The following SUGCT variants were observed in gnomAD, a reference collection of about 807,000 sequenced individuals.
The protein encoded by SUGCT is succinyl-CoA:glutarate CoA-transferase.
SUGCT carries 41 observed loss-of-function variants against 55.0 expected under a neutral mutation model. The ratio of observed to expected loss-of-function variants is 0.74; its 90% CI spans 0.58 to 0.97. The LOEUF is 0.97. Ranked by LOEUF, SUGCT falls within the 50% of genes least tolerant of loss-of-function variation. The pLI is 0.00. For synonymous variants in SUGCT, 187 were observed against 200.4 expected, an observed-to-expected ratio of 0.93 and a Z score of 0.56; for missense variants, 568 against 547.8, an observed-to-expected ratio of 1.04 and a Z score of -0.37.
In SUGCT at chr7:40,377,392, G is replaced by T. The variant is rs1165196315; in HGVS notation, c.816+60537G>T. ...TGGGTAGCTGGGATGACAGGCGTGA[G>T]CCACCACACCCAGCTAATTTTTGTA... On this transcript the variant is annotated intron_variant, in intron 9 of 13. Transcript: ENST00000335693. 2.7e-5 allele frequency among the ~76,000 whole-genome samples: 4 copies of T among 150,850 alleles called. No homozygotes were observed. The East Asian group carries it at 7.8e-4, about 30-fold the overall frequency.
At chr7:40,828,491 G>A (rs917210307) in intron 13 of SUGCT, among the ~76,000 whole-genome samples, 1 of 150,552 alleles carries the variant, frequency 6.6e-6, no homozygotes, top group African/African-American at 2.4e-5. Context: ...GGCTTCCAAA[G>A]CACCTTCATG....
In SUGCT at chr7:40,186,319, C is replaced by T. The variant is rs930360840; in HGVS notation, c.227-2176C>T. Among the ~76,000 whole-genome samples, 4 of 149,982 alleles carry T rather than the reference C, an allele frequency of 2.7e-5. No individual in the cohort carries two copies. In the East Asian group the frequency reaches 8.0e-4, roughly 30 times the overall value. ...TGTCCCCTAGGCTGGAGTGCAGTGG[C>T]GCACTCCTGGCTCAGTGCAGCATTG... is the stretch of plus-strand genomic sequence containing the variant. On this transcript the variant is annotated intron_variant, in intron 3 of 13. Coordinates refer to ENST00000335693, the MANE Select transcript of SUGCT (RefSeq NM_001193313.2).
At chr7:40,778,116 T>G (rs577358471) in intron 13 of SUGCT, among the ~76,000 whole-genome samples, 2 of 152,338 alleles carry the variant, frequency 1.3e-5, no homozygotes, top group South Asian at 2.1e-4. Flanking sequence ...CTGATCATAG[T>G]GTCACATGGA....
At chr7:40,413,303 G>A (rs561396038) in intron 9 of SUGCT, among the ~76,000 whole-genome samples, 1 of 151,952 alleles carries the variant, frequency 6.6e-6, no homozygotes, top group Non-Finnish European at 1.5e-5. Flanking sequence ...TTTTCCTCCC[G>A]GCATCTCCTC....
intron 1 of SUGCT, among the ~76,000 whole-genome samples, chr7:40,179,894 A>G (rs1785101365): frequency 6.6e-6 from 1 of 152,216 alleles, no homozygotes; most frequent in African/African-American, 2.4e-5. Flanking sequence ...CCCAGTGCCA[A>G]CGTGGGAGGA....
At chr7:40,700,361 A>G (rs1404128217) in intron 12 of SUGCT, among the ~76,000 whole-genome samples, 1 of 152,110 alleles carries the variant, frequency 6.6e-6, no homozygotes, top group Non-Finnish European at 1.5e-5. Flanking sequence ...GCTTGCATGA[A>G]ATCTTACATT....
At chr7:40,699,355 C>T (rs966254748) in intron 12 of SUGCT, among the ~76,000 whole-genome samples, 3 of 151,976 alleles carry the variant, frequency 2.0e-5, no homozygotes, top group Non-Finnish European at 4.4e-5. Flanking sequence ...TTTGTGTGTG[C>T]AGATGGGACA....
rs1042223115 is a variant in SUGCT, at chr7:40,237,876, A to G, written c.576+150A>G. 4 of 630,546 alleles carry G rather than the reference A, an allele frequency of 6.3e-6. No individual in the cohort carries two copies. In the African/African-American group the frequency reaches 7.4e-5, roughly 12 times the overall value. The allele number at this position is 630,546 out of a possible 1,614,324, so 39.1% of individuals were successfully genotyped here. A position where few individuals can be genotyped will look rare whatever the true frequency, so the allele number is the denominator to read the frequency against. ...GCCATTGAAATTAATAATTTTAGAA[A>G]GAAACCAGGGAAAGTGAATGCTTAT... On this transcript the variant is annotated intron_variant, in intron 7 of 13. Transcript: ENST00000335693.
At chr7:40,422,276 C>G (rs1463168183) in intron 9 of SUGCT, among the ~76,000 whole-genome samples, 1 of 152,018 alleles carries the variant, frequency 6.6e-6, no homozygotes, top group African/African-American at 2.4e-5. Context: ...ATTAAATTTT[C>G]AATAAAGCAA....
intron 9 of SUGCT, among the ~76,000 whole-genome samples, chr7:40,369,381 C>G: frequency 6.6e-6 from 1 of 152,124 alleles, no homozygotes; most frequent in Non-Finnish European, 1.5e-5. Flanking sequence ...AAGAAACTGA[C>G]TCCTAGTTAT....
At chr7:40,612,604 AGCTGT>A (rs1798819380) in intron 12 of SUGCT, among the ~76,000 whole-genome samples, 1 of 152,212 alleles carries the variant, frequency 6.6e-6, no homozygotes, top group Non-Finnish European at 1.5e-5. Context: ...CTTCCTTGAT[AGCTGT>A]GCAGCCTTGG....
At chr7:40,181,806 C>T in intron 2 of SUGCT, 149 bp from the exon 3 acceptor site, 1 of 552,888 alleles carries the variant, frequency 1.8e-6, no homozygotes, top group Non-Finnish European at 3.2e-6. Context: ...TTTAAAGCTC[C>T]TATTACATAT....
intron 13 of SUGCT, among the ~76,000 whole-genome samples, chr7:40,809,607 T>A: frequency 6.6e-6 from 1 of 152,150 alleles, no homozygotes; most frequent in East Asian, 1.9e-4. Context: ...CAACAGCTCA[T>A]GAAGATAGTA....
the SUGCT span, among the ~76,000 whole-genome samples, chr7:41,023,264 T>C: frequency 6.6e-6 from 1 of 152,282 alleles, no homozygotes; most frequent in South Asian, 2.1e-4. Flanking sequence ...TGTTGATATG[T>C]TGGAGCCGTT....
At chr7:40,735,404 A>T (rs1310569117) in intron 12 of SUGCT, among the ~76,000 whole-genome samples, 3 of 152,198 alleles carry the variant, frequency 2.0e-5, no homozygotes, top group Non-Finnish European at 4.4e-5. Flanking sequence ...AATGTAGCTT[A>T]AAGAGGATAC....
At chr7:40,856,602 C>G (rs1409468414) in intron 13 of SUGCT, among the ~76,000 whole-genome samples, 1 of 151,276 alleles carries the variant, frequency 6.6e-6, no homozygotes, top group Non-Finnish European at 1.5e-5. Context: ...GGATCCCATG[C>G]AAAGAATTTT....
At chr7:40,763,350 A>G (rs2128722108) in intron 13 of SUGCT, among the ~76,000 whole-genome samples, 1 of 152,328 alleles carries the variant, frequency 6.6e-6, no homozygotes, top group East Asian at 1.9e-4. Flanking sequence ...GATAAATTAA[A>G]TAGCCCGAGG....
chr7:40,962,470 T>C, the SUGCT span, among the ~76,000 whole-genome samples: 1 of 151,992 alleles, frequency 6.6e-6, no homozygotes, highest in Non-Finnish European at 1.5e-5. Context: ...ACAGTTGGTA[T>C]CTCAAGATCC....
chr7:40,878,343 C>G, the SUGCT span, among the ~76,000 whole-genome samples: 1 of 152,110 alleles, frequency 6.6e-6, no homozygotes. Context: ...AGCTGCAGAC[C>G]TTCCCCAATT....
Sources: gnomAD v4.1 joint callset for allele counts (sites outside exome capture counted in the v4.1 genomes callset) on GRCh38, gnomAD v4.1.1 for gene constraint, MANE v1.5 for transcripts, NCBI Gene and HGNC (gene_info 2026-07-23, HGNC 2026-07-21) for gene names.